TRPM1: variants seen among roughly 807,000 people sequenced by gnomAD.
TRPM1 encodes TRPM1-203 APA Isoform, Intron 10.
TRPM1 carries 113 observed loss-of-function variants against 149.4 expected under a neutral mutation model. The observed-to-expected ratio is 0.76, with a 90% CI of 0.65 to 0.88. The LOEUF (loss-of-function observed/expected upper bound fraction) is 0.88. TRPM1 is among the 40% of genes least tolerant of loss of function. TRPM1 has a pLI of 0.00. For synonymous variants in TRPM1, 741 were observed against 759.5 expected (o/e 0.98, Z 0.40); for missense variants, 1,976 against 2,038.7 (o/e 0.97, Z 0.59).
rs567459158 is a variant in TRPM1 at position 31,079,862 on chromosome 15, T to C, written c.3+1491A>G. ...TTCTCCACTAAAAGGAATCCAGGGC[T>C]GGGGCGGGGAAGTATAAGAAGAGCC... On this transcript the variant is annotated intron_variant, in intron 2 of 27. Coordinates refer to ENST00000256552, the MANE Select transcript of TRPM1 (RefSeq NM_001252024.2). Among the ~76,000 whole-genome samples, 13 of 152,256 alleles carry C rather than the reference T, an allele frequency of 8.5e-5. No individual in the cohort carries two copies. In the East Asian group the frequency reaches 2.3e-3, roughly 27 times the overall value.
Position 31,047,032 on chromosome 15 carries a change from G to A in TRPM1, c.1764+79C>T, listed in dbSNP as rs540214162. On this transcript the variant is annotated intron_variant, in intron 15 of 27. Coordinates refer to ENST00000256552, the MANE Select transcript of TRPM1 (RefSeq NM_001252024.2). The stretch of plus-strand genomic sequence containing the variant: ...AGGGCGAAGGGCTTGGCTCTGAACC[G>A]GCCAAGTTGTTGAAAAGCAAGCGAG... 18 of 1,591,608 alleles carry A rather than the reference G, an allele frequency of 1.1e-5. No individual in the cohort carries two copies. In the African/African-American group the frequency reaches 1.3e-4, roughly 12 times the overall value.
intron 1 of TRPM1, among the ~76,000 whole-genome samples, chr15:31,127,615 C>G (rs531573985): frequency 3.9e-5 from 6 of 152,308 alleles, no homozygotes; most frequent in Admixed American, 2.0e-4. Flanking sequence ...TGACCTCACA[C>G]AGCTTCCTCA....
chr15:31,160,255 C>G (rs2036427616), intron 1 of TRPM1, among the ~76,000 whole-genome samples: 1 of 152,184 alleles, frequency 6.6e-6, no homozygotes, highest in African/African-American at 2.4e-5. Context: ...CTCAGAGTCA[C>G]CTAGGAAAAG....
At position 31,002,135 on chromosome 15, in the gene TRPM1, T is replaced by C; in HGVS notation, c.4565A>G (p.Glu1522Gly). The part of the protein sequence containing the change: ...SEAAVQAEHK[E>G]QFADMQDEHH... Reference sequence around the variant, plus strand: ...TTCATCTTGCATATCTGCAAACTGCTCTTTATGCTCAGCTTGCACTGCAGC... The same window carrying C: ...TTCATCTTGCATATCTGCAAACTGCCCTTTATGCTCAGCTTGCACTGCAGC... Residue 1522 changes from glutamate to glycine, a missense_variant, in exon 28 of 28, where the codon GAG becomes GGG. Glu to Gly is a moderately conservative substitution (Grantham distance 98). Coordinates refer to ENST00000256552, the MANE Select transcript of TRPM1 (RefSeq NM_001252024.2). The C allele has an allele frequency of 6.2e-7, 1 of 1,614,240 alleles. No individual in the cohort carries two copies. Among genetic ancestry groups the C allele is most frequent in the Non-Finnish European group, 8.5e-7 (1 of 1,180,036 alleles).
At chr15:31,134,457 A>T (rs2036062171) in intron 1 of TRPM1, among the ~76,000 whole-genome samples, 1 of 152,224 alleles carries the variant, frequency 6.6e-6, no homozygotes, top group African/African-American at 2.4e-5. Context: ...AAATCTATAA[A>T]GGAAATCTCC....
At position 31,040,318 on chromosome 15, in the gene TRPM1, A is replaced by G; in HGVS notation, c.2116T>C (p.Leu706=). The change falls in exon 18 of 28, where the codon TTA becomes CTA. Residue 706 remains leucine (L), a synonymous_variant. Coordinates refer to ENST00000256552, the MANE Select transcript of TRPM1 (RefSeq NM_001252024.2). This position sits in a 1 kb window ranked among gnomAD's most constrained non-coding sequence, Gnocchi z 4.2. Reference sequence around the variant, plus strand: ...TCGTCATGCTTATAGGACTGGTCTAATAACTCCAAAGCAAGCTGGCCGAAG... The same window carrying G: ...TCGTCATGCTTATAGGACTGGTCTAGTAACTCCAAAGCAAGCTGGCCGAAG... ...KDFGQLALEL[L]DQSYKHDEQI... 2 of 1,614,222 alleles carry G rather than the reference A, an allele frequency of 1.2e-6. No homozygotes were observed. The highest frequency in any genetic ancestry group is 1.1e-5 in the South Asian group (1 of 91,082).
chr15:31,040,923 AC>A lies in TRPM1; in HGVS notation c.2088-578del, dbSNP rs540467880. Among the ~76,000 whole-genome samples, 4 of 152,186 alleles carry A rather than the reference AC, an allele frequency of 2.6e-5. No individual in the cohort carries two copies. In the South Asian group the frequency reaches 8.3e-4, roughly 32 times the overall value. On this transcript the variant is annotated intron_variant, in intron 17 of 27. Transcript: ENST00000256552. The surrounding 1 kb of genome is among the most constrained non-coding windows in gnomAD (Gnocchi z 4.2). The stretch of plus-strand genomic sequence containing the variant: ...CCTTTCTCTGCCCGTGTAACACTTC[AC>A]CATCACAGTGATTACAGAGAAGCCA...
chr15:31,031,280 C>A, intron 22 of TRPM1, 123 bp from the exon 23 acceptor site: 1 of 1,011,522 alleles, frequency 9.9e-7, no homozygotes, highest in South Asian at 1.4e-5. Context: ...AAGAAAGCCT[C>A]TTTCCCTTCC....
At chr15:31,121,223 C>CAAAAAAAAAAAAA (rs71420549) in intron 1 of TRPM1, among the ~76,000 whole-genome samples, 1 of 59,386 alleles carries the variant, frequency 1.7e-5, no homozygotes, top group Non-Finnish European at 3.1e-5. Flanking sequence ...GACTCCATCT[C>CAAAAAAAAAAAAA]AAAAAAAAAA....
At chr15:31,092,867 G>A (rs1018215432) in intron 1 of TRPM1, among the ~76,000 whole-genome samples, 5 of 152,134 alleles carry the variant, frequency 3.3e-5, no homozygotes, top group Admixed American at 3.3e-4. Flanking sequence ...AAAGAAATGA[G>A]TCATCAAAGA....
intron 11 of TRPM1, among the ~76,000 whole-genome samples, chr15:31,051,658 C>G (rs2140942528): frequency 6.6e-6 from 1 of 152,328 alleles, no homozygotes; most frequent in Non-Finnish European, 1.5e-5. Context: ...AGCCTTCTAC[C>G]TTTCCACTCT....
At chr15:31,071,831 G>A (rs1177675456) in intron 3 of TRPM1, among the ~76,000 whole-genome samples, 2 of 151,420 alleles carry the variant, frequency 1.3e-5, no homozygotes, top group African/African-American at 2.4e-5. Flanking sequence ...GAGTGTGGTG[G>A]CACACGTCTG....
At chr15:31,055,296 T>C (rs2034052468) in intron 11 of TRPM1, among the ~76,000 whole-genome samples, 1 of 152,104 alleles carries the variant, frequency 6.6e-6, no homozygotes, top group Non-Finnish European at 1.5e-5. Flanking sequence ...ACTATTTAAA[T>C]GACAGCAGAG....
intron 1 of TRPM1, among the ~76,000 whole-genome samples, chr15:31,124,132 A>C (rs2035914135): frequency 6.6e-6 from 1 of 152,136 alleles, no homozygotes; most frequent in African/African-American, 2.4e-5. Context: ...AAAAAATACA[A>C]AAGTTAGCTG....
At chr15:31,048,657 T>A (rs112730121) in intron 13 of TRPM1, among the ~76,000 whole-genome samples, 6 of 151,566 alleles carry the variant, frequency 4.0e-5, no homozygotes, top group Admixed American at 6.6e-5. Flanking sequence ...ACAAAATTTT[T>A]AAAAATTAGC....
chr15:31,029,270 A>C lies in TRPM1; in HGVS notation c.3148+101T>G, dbSNP rs1370079492. ...AGTACTGGCACCAAAAAACAAGAGA[A>C]GTATTTGAAAACAGTTTAAGACTAC... On this transcript the variant is annotated intron_variant, in intron 24 of 27. Transcript: ENST00000256552. 5 of 1,244,528 alleles carry C rather than the reference A, an allele frequency of 4.0e-6. No homozygotes were observed. The East Asian group carries it at 9.4e-5, about 23-fold the overall frequency. 77.1% of individuals were successfully genotyped at this position (1,244,528 alleles called of 1,614,324 possible).
At chr15:31,083,241 C>T (rs111953633) in intron 1 of TRPM1, among the ~76,000 whole-genome samples, 207 of 152,330 alleles carry the variant, frequency 1.4e-3, no homozygotes, top group Non-Finnish European at 2.3e-3. Flanking sequence ...GAAGAAACTG[C>T]TTGTTTTGTG....
chr15:31,077,125 A>G, intron 2 of TRPM1, 141 bp from the exon 3 acceptor site: 1 of 680,484 alleles, frequency 1.5e-6, no homozygotes, highest in Non-Finnish European at 2.7e-6. Context: ...GCAAGTCTTT[A>G]AGGATCTTAG....
At chr15:31,061,811 A>G (rs1311303538) in intron 9 of TRPM1, among the ~76,000 whole-genome samples, 1 of 151,818 alleles carries the variant, frequency 6.6e-6, no homozygotes, top group Non-Finnish European at 1.5e-5. Context: ...CAGCCTCCCA[A>G]GTGGCTGGGA....
Sources: allele counts gnomAD v4.1 joint callset (sites outside exome capture counted in the v4.1 genomes callset), GRCh38; gene constraint gnomAD v4.1.1; non-coding constraint Gnocchi (gnomAD v3.1); transcripts MANE v1.5; gene names NCBI Gene and HGNC (gene_info 2026-07-23, HGNC 2026-07-21).